Variants in GRB10 observed in about 807,000 individuals in gnomAD.
The protein encoded by GRB10 is growth factor receptor bound protein 10.
In GRB10, 20 loss-of-function variants were observed where a neutral mutation model predicts 80.9. That is an observed-to-expected ratio of 0.25 (90% CI 0.17 to 0.36). GRB10 has a LOEUF of 0.36. GRB10 is among the 10% of genes least tolerant of loss of function. The probability of loss-of-function intolerance (pLI) is 1.00; values close to 1 mark genes in which losing one functional copy is unlikely to be tolerated. For synonymous variants in GRB10, 291 were observed against 291.5 expected, an observed-to-expected ratio of 1.00 and a Z score of 0.02; for missense variants, 548 against 747.7, an observed-to-expected ratio of 0.73 and a Z score of 3.12.
intron 7 of GRB10, among the ~76,000 whole-genome samples, chr7:50,646,407 G>A (rs1050948557): frequency 2.0e-5 from 3 of 152,216 alleles, no homozygotes; most frequent in African/African-American, 7.2e-5. Context: ...TGTCCGCAGT[G>A]TCACCTCTGG....
intron 3 of GRB10, among the ~76,000 whole-genome samples, chr7:50,742,255 ACG>A (rs764613646): frequency 1.2e-4 from 4 of 33,224 alleles, no homozygotes; most frequent in Non-Finnish European, 2.5e-4. Context: ...GTGTAAACAC[ACG>A]CGCACGCGCG....
chr7:50,647,744 C>T (rs1236134878), intron 7 of GRB10, among the ~76,000 whole-genome samples: 1 of 152,184 alleles, frequency 6.6e-6, no homozygotes, highest in Non-Finnish European at 1.5e-5. Flanking sequence ...TCAGGAGGCT[C>T]CCATGACGAC....
chr7:50,725,166 G>T (rs2068415725), intron 4 of GRB10, among the ~76,000 whole-genome samples: 1 of 152,180 alleles, frequency 6.6e-6, no homozygotes, highest in South Asian at 2.1e-4. Context: ...GGAGCCTGGT[G>T]GTAGGTGACG....
At chr7:50,666,354 C>T (rs1387447378) in intron 7 of GRB10, among the ~76,000 whole-genome samples, 1 of 152,214 alleles carries the variant, frequency 6.6e-6, no homozygotes, top group Non-Finnish European at 1.5e-5. Context: ...AGGGAGGCGG[C>T]ATTGGAGGAA....
intron 7 of GRB10, among the ~76,000 whole-genome samples, chr7:50,658,596 A>G (rs545757823): frequency 5.9e-5 from 9 of 152,310 alleles, no homozygotes; most frequent in African/African-American, 1.9e-4. Flanking sequence ...TCTTCCTGTG[A>G]AAGACGTATA....
chr7:50,724,731 G>C (rs2068314925), intron 4 of GRB10, among the ~76,000 whole-genome samples: 1 of 152,164 alleles, frequency 6.6e-6, no homozygotes, highest in African/African-American at 2.4e-5. Context: ...GGGCTGGCTG[G>C]GTAATGACAC....
rs367706052 is a variant in GRB10 at position 50,652,634 on chromosome 7, GAGA to G, written c.504+17085_504+17087del. Among the ~76,000 whole-genome samples, 50 of 152,292 alleles carry G rather than the reference GAGA, an allele frequency of 3.3e-4. 2 individuals are homozygous for G. The East Asian group carries it at 9.6e-3, about 29-fold the overall frequency. ...AGACCAGGTCATTCCAGAGTGGGAG[GAGA>G]AGGATTCTGAGACTTCCGCTGCTTG... On this transcript the variant is annotated intron_variant, in intron 7 of 18. Coordinates refer to ENST00000401949, the MANE Select transcript of GRB10 (RefSeq NM_001350814.2).
chr7:50,663,066 C>G (rs1252611300), intron 7 of GRB10, among the ~76,000 whole-genome samples: 2 of 152,262 alleles, frequency 1.3e-5, no homozygotes, highest in Non-Finnish European at 2.9e-5. Context: ...CTCGCTGTCC[C>G]TGCTCCACGG....
At chr7:50,641,066 C>T (rs1027458255) in intron 7 of GRB10, among the ~76,000 whole-genome samples, 4 of 151,974 alleles carry the variant, frequency 2.6e-5, no homozygotes, top group South Asian at 2.1e-4. Context: ...ATCCAGTGAG[C>T]GCCTACCACC....
At position 50,654,766 on chromosome 7, in the gene GRB10, AC is replaced by A. The variant is rs368502865; in HGVS notation, c.504+14955del. Among the ~76,000 whole-genome samples, 46 of 152,184 alleles carry A rather than the reference AC, an allele frequency of 3.0e-4. No homozygotes were observed. In the East Asian group the frequency reaches 6.9e-3, roughly 23 times the overall value. On this transcript the variant is annotated intron_variant, in intron 7 of 18. Coordinates refer to ENST00000401949, the MANE Select transcript of GRB10 (RefSeq NM_001350814.2). ...AAATTCCCATTCTCTTTCCCTACCTACCTAGGAGAGTGGGTTGCAGACATCT... is the reference window on the plus strand; with the variant it reads ...AAATTCCCATTCTCTTTCCCTACCTACTAGGAGAGTGGGTTGCAGACATCT...
At chr7:50,775,635 CTATTAGGCA>C (rs1299661987) in intron 2 of GRB10, among the ~76,000 whole-genome samples, 1 of 152,238 alleles carries the variant, frequency 6.6e-6, no homozygotes, top group Admixed American at 6.5e-5. Flanking sequence ...CCCCATGGCT[CTATTAGGCA>C]TTATCCTAGC....
intron 2 of GRB10, among the ~76,000 whole-genome samples, chr7:50,776,521 T>A (rs529814497): frequency 6.6e-6 from 1 of 152,296 alleles, no homozygotes; most frequent in Non-Finnish European, 1.5e-5. Context: ...GTGCCCAGCC[T>A]CTGCTTCCCT....
intron 4 of GRB10, among the ~76,000 whole-genome samples, chr7:50,723,933 C>T (rs189494540): frequency 5.9e-5 from 9 of 152,346 alleles, no homozygotes; most frequent in Admixed American, 2.0e-4. Context: ...CCAACCTTCA[C>T]GCCCTAGTGC....
intron 3 of GRB10, among the ~76,000 whole-genome samples, chr7:50,742,751 G>A (rs1394646866): frequency 6.6e-6 from 1 of 152,132 alleles, no homozygotes; most frequent in East Asian, 1.9e-4. Context: ...GGGGGTAATA[G>A]TGTTAAAAGC....
chr7:50,744,803 A>G (rs1190186876), intron 3 of GRB10, among the ~76,000 whole-genome samples: 1 of 152,218 alleles, frequency 6.6e-6, no homozygotes, highest in Non-Finnish European at 1.5e-5. Flanking sequence ...GCTCACAGCA[A>G]CAGTGGAATT....
At chr7:50,690,977 G>A (rs1483144561) in intron 5 of GRB10, among the ~76,000 whole-genome samples, 2 of 152,188 alleles carry the variant, frequency 1.3e-5, no homozygotes, top group Non-Finnish European at 2.9e-5. Flanking sequence ...GGACCAGGAG[G>A]GAGAGGTCTG....
chr7:50,706,568 G>T (rs573270446), intron 4 of GRB10, among the ~76,000 whole-genome samples: 1 of 152,312 alleles, frequency 6.6e-6, no homozygotes, highest in Admixed American at 6.5e-5. Flanking sequence ...TATTTTTCTG[G>T]AATTTTTTTC....
At chr7:50,746,374 T>C (rs1480923986) in intron 3 of GRB10, among the ~76,000 whole-genome samples, 1 of 152,180 alleles carries the variant, frequency 6.6e-6, no homozygotes, top group Non-Finnish European at 1.5e-5. Flanking sequence ...CAGCACTGAA[T>C]GCATTTTCAA....
intron 2 of GRB10, among the ~76,000 whole-genome samples, chr7:50,770,518 A>G (rs567505711): frequency 6.6e-6 from 1 of 152,334 alleles, no homozygotes; most frequent in South Asian, 2.1e-4. Context: ...GTACCCTGGT[A>G]TGAGTGACCT....
Sources: allele counts gnomAD v4.1 joint callset (sites outside exome capture counted in the v4.1 genomes callset), GRCh38; gene constraint gnomAD v4.1.1; transcripts MANE v1.5; gene names NCBI Gene and HGNC (gene_info 2026-07-23, HGNC 2026-07-21).